MAMDC2: variants seen among roughly 807,000 people sequenced by gnomAD.
MAMDC2 encodes the protein MAM domain containing 2, also known as MAM domain-containing protein 2.
In MAMDC2, 57 loss-of-function variants were observed where a neutral mutation model predicts 89.8. The ratio of observed to expected loss-of-function variants is 0.63; its 90% confidence interval spans 0.51 to 0.79. The LOEUF is 0.79. MAMDC2 is among the 30% of genes least tolerant of loss of function. The probability of loss-of-function intolerance (pLI) is 0.00; values close to 1 mark genes in which losing one functional copy is unlikely to be tolerated. For synonymous variants in MAMDC2, 313 were observed against 293.4 expected (o/e 1.07, Z -0.68); for missense variants, 800 against 820.6 (o/e 0.97, Z 0.31).
At chr9:70,180,882 C>T (rs1172346406) in intron 11 of MAMDC2, among the ~76,000 whole-genome samples, 2 of 152,086 alleles carry the variant, frequency 1.3e-5, no homozygotes, top group Admixed American at 6.5e-5. Flanking sequence ...TCAATTTTGG[C>T]TTTTGCTGCA....
chr9:70,140,424 T>A (rs1222795155), intron 8 of MAMDC2, 136 bp downstream of exon 8: 1 of 910,172 alleles, frequency 1.1e-6, no homozygotes, highest in African/African-American at 1.8e-5. Flanking sequence ...ATCAGTAGTC[T>A]TGTGTTTGAC....
chr9:70,191,778 T>G (rs1174644994), intron 11 of MAMDC2, among the ~76,000 whole-genome samples: 1 of 152,158 alleles, frequency 6.6e-6, no homozygotes, highest in Non-Finnish European at 1.5e-5. Context: ...CTCTCCTCCT[T>G]AGTATGTACT....
rs1214555765 is a variant in MAMDC2, at chr9:70,218,350, C to T, written c.1665C>T (p.Tyr555=). 6.8e-6 allele frequency: 11 copies of T among 1,613,214 alleles called. No homozygotes were observed. Among genetic ancestry groups the T allele is most frequent in the Admixed American group, 1.7e-5 (1 of 59,950 alleles). Residue 555 remains tyrosine (Y), a synonymous_variant, in exon 12 of 14, where the codon TAC becomes TAT. Coordinates refer to ENST00000377182, the MANE Select transcript of MAMDC2 (RefSeq NM_153267.5). ...ATTCACCTCAAGGCTACTACATGTA[C>T]ATTGAGGCCTCCCATATGGTGTATG... ...DHTTGVGYYM[Y]IEASHMVYGQ...
rs1323033325 is a variant in MAMDC2, at chr9:70,109,841, A to G, written c.505+37A>G. The stretch of plus-strand genomic sequence containing the variant: ...TCATTTTCATTAAATCAAATTGTGA[A>G]TCTTTTTCTAAAAGTTACTGTTGCC... On this transcript the variant is annotated intron_variant, in intron 4 of 13. Coordinates refer to ENST00000377182, the MANE Select transcript of MAMDC2 (RefSeq NM_153267.5). 1.0e-5 allele frequency: 16 copies of G among 1,550,214 alleles called. No homozygotes were observed. In the South Asian group the frequency reaches 1.8e-4, roughly 17 times the overall value.
At chr9:70,070,261 G>A (rs1827372193) in intron 2 of MAMDC2, among the ~76,000 whole-genome samples, 1 of 152,158 alleles carries the variant, frequency 6.6e-6, no homozygotes, top group African/African-American at 2.4e-5. Context: ...TTTCACTCCA[G>A]GCATGTGGAA....
At chr9:70,120,508 C>A (rs961151777) in intron 5 of MAMDC2, among the ~76,000 whole-genome samples, 3 of 152,170 alleles carry the variant, frequency 2.0e-5, no homozygotes, top group African/African-American at 7.2e-5. Context: ...CATAGCAGGG[C>A]AGCTCTAACC....
At chr9:70,191,570 G>A (rs990488211) in intron 11 of MAMDC2, among the ~76,000 whole-genome samples, 1 of 151,550 alleles carries the variant, frequency 6.6e-6, no homozygotes, top group Non-Finnish European at 1.5e-5. Flanking sequence ...ATAGAATCCT[G>A]GGGTGATGGT....
intron 11 of MAMDC2, among the ~76,000 whole-genome samples, chr9:70,211,790 G>T (rs557738468): frequency 1.3e-5 from 2 of 152,178 alleles, no homozygotes; most frequent in Non-Finnish European, 1.5e-5. Flanking sequence ...TGATGGTAAC[G>T]TACAGATGGG....
At chr9:70,175,421 C>G (rs537287237) in intron 11 of MAMDC2, among the ~76,000 whole-genome samples, 126 of 152,242 alleles carry the variant, frequency 8.3e-4, no homozygotes, top group African/African-American at 2.9e-3. Flanking sequence ...CTGATAAAAC[C>G]TTGCTTGTGT....
chr9:70,126,432 G>A lies in MAMDC2; in HGVS notation c.900+17G>A, dbSNP rs184933708. On this transcript the variant is annotated intron_variant, in intron 6 of 13. Transcript: ENST00000377182. The stretch of plus-strand genomic sequence containing the variant: ...CCCATGGAGGTAGGTGTACTGGTGC[G>A]CACCAGCTGTTCACTGGCACTCTTT... The A allele has an allele frequency of 1.5e-4, 239 of 1,602,860 alleles. No homozygotes were observed. The highest frequency in any genetic ancestry group is 3.5e-4 in the Admixed American group (21 of 59,798).
chr9:70,067,570 G>A (rs1827297331), intron 2 of MAMDC2, among the ~76,000 whole-genome samples: 1 of 152,150 alleles, frequency 6.6e-6, no homozygotes, highest in Non-Finnish European at 1.5e-5. Flanking sequence ...GACAAAAAGT[G>A]TACAGTGAGC....
chr9:70,070,011 A>T (rs1199194903), intron 2 of MAMDC2, among the ~76,000 whole-genome samples: 1 of 152,202 alleles, frequency 6.6e-6, no homozygotes, highest in African/African-American at 2.4e-5. Context: ...AAAAGGGATG[A>T]GCTGAACTTT....
At chr9:70,167,759 A>T (rs1224353883) in intron 9 of MAMDC2, among the ~76,000 whole-genome samples, 2 of 152,362 alleles carry the variant, frequency 1.3e-5, no homozygotes, top group South Asian at 4.1e-4. Context: ...AGTAGATTTA[A>T]TAATTTATGG....
At chr9:70,113,213 GT>G (rs1011134770) in intron 5 of MAMDC2, 81 bp downstream of exon 5, 10 of 1,505,632 alleles carry the variant, frequency 6.6e-6, no homozygotes, top group Non-Finnish European at 7.2e-6. Context: ...TGACCTAGCT[GT>G]GGCTTCTGTC....
At chr9:70,169,675 T>A (rs1469425811) in intron 10 of MAMDC2, 2 of 152,126 alleles carry the variant, frequency 1.3e-5, no homozygotes, top group East Asian at 3.8e-4. Context: ...AAAATTTGGC[T>A]AAGAATCTGG....
chr9:70,156,914 C>T (rs901225916), intron 9 of MAMDC2, among the ~76,000 whole-genome samples: 25 of 152,196 alleles, frequency 1.6e-4, no homozygotes, highest in African/African-American at 5.1e-4. Flanking sequence ...TAGATTAGCA[C>T]AACTGGTAGT....
intron 2 of MAMDC2, among the ~76,000 whole-genome samples, chr9:70,061,732 A>G (rs1827155580): frequency 6.6e-6 from 1 of 152,264 alleles, no homozygotes; most frequent in African/African-American, 2.4e-5. Flanking sequence ...AAATGAAAAC[A>G]GAGATGGCTT....
At chr9:70,101,343 T>G (rs1828189424) in intron 2 of MAMDC2, among the ~76,000 whole-genome samples, 1 of 150,838 alleles carries the variant, frequency 6.6e-6, no homozygotes, top group Non-Finnish European at 1.5e-5. Flanking sequence ...GAAGGTTAAT[T>G]CATTATTGAA....
intron 11 of MAMDC2, among the ~76,000 whole-genome samples, chr9:70,179,765 T>G (rs1337462782): frequency 1.8e-5 from 2 of 113,412 alleles, no homozygotes; most frequent in African/African-American, 3.2e-5. Context: ...AATAAATGAA[T>G]TATAGACCTC....
Sources: gnomAD v4.1 joint callset for allele counts (sites outside exome capture counted in the v4.1 genomes callset) on GRCh38, gnomAD v4.1.1 for gene constraint, MANE v1.5 for transcripts, NCBI Gene and HGNC (gene_info 2026-07-23, HGNC 2026-07-21) for gene names.